Variants in IFT43 observed in about 807,000 individuals in gnomAD.
IFT43 encodes intraflagellar transport protein 43 homolog.
A neutral mutation model predicts 32.3 loss-of-function variants in IFT43; 33 were observed. The ratio of observed to expected loss-of-function variants is 1.02; its 90% CI spans 0.77 to 1.37. The LOEUF (loss-of-function observed/expected upper bound fraction) is 1.37. IFT43 is among the 40% of genes most tolerant of loss of function. The pLI, the probability that IFT43 is intolerant of heterozygous loss-of-function variation, is 0.00. For synonymous variants in IFT43, 93 were observed against 98.2 expected, an observed-to-expected ratio of 0.95 and a Z score of 0.31; for missense variants, 274 against 265.9, an observed-to-expected ratio of 1.03 and a Z score of -0.21.
intron 2 of IFT43, among the ~76,000 whole-genome samples, chr14:76,006,897 G>A (rs2035990326): frequency 7.8e-6 from 1 of 127,918 alleles, no homozygotes; most frequent in African/African-American, 2.9e-5. Context: ...TCACTCTGTT[G>A]CCTAGGCTAG....
chr14:76,054,904 C>T (rs1378074286), intron 3 of IFT43, among the ~76,000 whole-genome samples: 1 of 152,234 alleles, frequency 6.6e-6, no homozygotes. Context: ...TTACCTCAAC[C>T]TCTGTCCTCA....
intron 5 of IFT43, among the ~76,000 whole-genome samples, chr14:76,079,087 C>T (rs2037461572): frequency 6.6e-6 from 1 of 152,232 alleles, no homozygotes; most frequent in South Asian, 2.1e-4. Context: ...GGGCAGCTGT[C>T]TCACCCCTTC....
chr14:76,026,341 C>T (rs1210975972), intron 3 of IFT43, among the ~76,000 whole-genome samples: 5 of 151,994 alleles, frequency 3.3e-5, no homozygotes, highest in Admixed American at 3.3e-4. Context: ...GGTGAATCAC[C>T]TGAGGTCGGG....
chr14:75,986,548 C>T lies in IFT43; in HGVS notation c.54+708C>T, dbSNP rs118141262. On this transcript the variant is annotated intron_variant, in intron 1 of 8. Coordinates refer to ENST00000314067, the MANE Select transcript of IFT43 (RefSeq NM_001102564.3). ...ACAGTGAAAAGGAAATGCAACAATA[C>T]ATGGGAAGCGTGTAACTCAGTGCTT... Among the ~76,000 whole-genome samples, 265 of 151,996 alleles carry T rather than the reference C, an allele frequency of 1.7e-3. 7 individuals carry two copies. The East Asian group carries it at 0.046, about 26-fold the overall frequency.
chr14:76,047,163 G>A (rs181766964), intron 3 of IFT43, among the ~76,000 whole-genome samples: 34 of 152,300 alleles, frequency 2.2e-4, no homozygotes, highest in African/African-American at 7.9e-4. Flanking sequence ...CAGTTTTGGA[G>A]GGGCCACATA....
intron 3 of IFT43, among the ~76,000 whole-genome samples, chr14:76,050,878 A>G (rs1362924754): frequency 2.6e-5 from 4 of 152,120 alleles, no homozygotes; most frequent in Admixed American, 2.6e-4. Context: ...GGCATATTAC[A>G]TTTTATATGT....
intron 5 of IFT43, among the ~76,000 whole-genome samples, chr14:76,067,142 G>A (rs932905266): frequency 3.9e-5 from 6 of 152,140 alleles, no homozygotes; most frequent in Admixed American, 2.6e-4. Context: ...TGCTTCATCC[G>A]TGGTACATGT....
At chr14:76,048,154 C>A (rs370759521) in intron 3 of IFT43, among the ~76,000 whole-genome samples, 1 of 152,320 alleles carries the variant, frequency 6.6e-6, no homozygotes, top group South Asian at 2.1e-4. Flanking sequence ...GAGCGCTGCA[C>A]GCATTTATCT....
intron 2 of IFT43, chr14:76,014,091 TA>T: frequency 3.6e-6 from 1 of 281,672 alleles, no homozygotes. Flanking sequence ...AAAAATTCTA[TA>T]AGAATGCTAA....
chr14:75,988,354 C>A (rs1388431760), intron 1 of IFT43, among the ~76,000 whole-genome samples: 1 of 152,034 alleles, frequency 6.6e-6, no homozygotes, highest in South Asian at 2.1e-4. Context: ...AGAGTGAGAA[C>A]CTGTCTTAAT....
chr14:75,996,227 G>A (rs1306730242), intron 2 of IFT43, among the ~76,000 whole-genome samples: 1 of 152,194 alleles, frequency 6.6e-6, no homozygotes, highest in Non-Finnish European at 1.5e-5. Context: ...GATTTTCTAT[G>A]TAATCTGAGA....
chr14:76,060,910 C>CT (rs1566730574), intron 5 of IFT43, among the ~76,000 whole-genome samples: 1 of 118,432 alleles, frequency 8.4e-6, no homozygotes, highest in African/African-American at 3.2e-5. Context: ...TCTTTTCTTT[C>CT]TTTTTTTTGA....
At chr14:76,046,281 C>T (rs996423309) in intron 3 of IFT43, among the ~76,000 whole-genome samples, 3 of 152,036 alleles carry the variant, frequency 2.0e-5, no homozygotes, top group Non-Finnish European at 2.9e-5. Flanking sequence ...CCAGCTGGTG[C>T]GGAGGCTTTG....
chr14:76,014,122 G>T, intron 2 of IFT43: 1 of 277,904 alleles, frequency 3.6e-6, no homozygotes, highest in East Asian at 9.9e-5. Context: ...AAAGAAATAT[G>T]AGGAAAAGCG....
At chr14:76,006,029 G>A (rs1373329252) in intron 2 of IFT43, among the ~76,000 whole-genome samples, 1 of 151,782 alleles carries the variant, frequency 6.6e-6, no homozygotes, top group African/African-American at 2.4e-5. Context: ...GACAGTTTGT[G>A]TCCATTTTCC....
intron 2 of IFT43, among the ~76,000 whole-genome samples, chr14:75,995,508 T>C (rs2035726584): frequency 6.6e-6 from 1 of 152,172 alleles, no homozygotes; most frequent in African/African-American, 2.4e-5. Context: ...ATCTGAGAAA[T>C]GCTGCTGGGC....
At chr14:76,002,342 A>C (rs1472052882) in intron 2 of IFT43, among the ~76,000 whole-genome samples, 5 of 117,086 alleles carry the variant, frequency 4.3e-5, no homozygotes, top group Non-Finnish European at 8.8e-5. Flanking sequence ...CAACCATAGC[A>C]AGGGGAAGTG....
At chr14:76,083,436 C>T (rs373791688) in intron 8 of IFT43, 22 bp from the exon 9 acceptor site, 14 of 1,614,110 alleles carry the variant, frequency 8.7e-6, no homozygotes, top group Non-Finnish European at 1.2e-5. Flanking sequence ...TTTGTCTTAC[C>T]CAGCGAAACC....
intron 2 of IFT43, among the ~76,000 whole-genome samples, chr14:75,990,315 T>G (rs539306046): frequency 6.6e-6 from 1 of 152,382 alleles, no homozygotes; most frequent in African/African-American, 2.4e-5. Flanking sequence ...AATCACCATA[T>G]GGACTGGATA....
Sources: allele counts gnomAD v4.1 joint callset (sites outside exome capture counted in the v4.1 genomes callset), GRCh38; gene constraint gnomAD v4.1.1; transcripts MANE v1.5; gene names NCBI Gene and HGNC (gene_info 2026-07-23, HGNC 2026-07-21).